FHDC1: variants seen among roughly 807,000 people sequenced by gnomAD.
FHDC1 encodes the protein FH2 domain-containing protein 1.
A neutral mutation model predicts 52.6 loss-of-function variants in FHDC1; 25 were observed. The ratio of observed to expected loss-of-function variants is 0.48; its 90% CI spans 0.35 to 0.66. FHDC1 has a LOEUF of 0.66. Ranked by LOEUF, FHDC1 falls within the 30% of genes least tolerant of loss-of-function variation. FHDC1 has a pLI of 0.01. For missense variants in FHDC1, 1,459 were observed against 1,452.8 expected (o/e 1.00, Z -0.07); for synonymous variants, 616 against 581.5 (o/e 1.06, Z -0.85).
rs1741008990 is a variant in FHDC1 at position 152,979,342 on chromosome 4, A to G, written c.*2619A>G. On this transcript the variant is annotated 3_prime_UTR_variant, in exon 12 of 12. Transcript: ENST00000511601. Reference sequence around the variant, plus strand: ...CAGCTCCTCAGAACCAACCCCCAGCATCTCTAAAGCAAAAGCCTCACCTCA... The same window carrying G: ...CAGCTCCTCAGAACCAACCCCCAGCGTCTCTAAAGCAAAAGCCTCACCTCA... 1 of 152,392 alleles carries G rather than the reference A, an allele frequency of 6.6e-6. No individual in the cohort carries two copies. Among genetic ancestry groups the G allele is most frequent in the African/African-American group, 2.4e-5 (1 of 41,580 alleles). 9.4% of individuals were successfully genotyped at this position (152,392 alleles called of 1,614,324 possible).
the FHDC1 span, among the ~76,000 whole-genome samples, chr4:152,912,864 G>T: frequency 4.6e-5 from 7 of 152,286 alleles, no homozygotes; most frequent in East Asian, 1.4e-3. Flanking sequence ...AACTATCTGG[G>T]TTTGCAAAAG....
intron 11 of FHDC1, among the ~76,000 whole-genome samples, chr4:152,973,185 G>A (rs1579104919): frequency 6.6e-6 from 1 of 152,192 alleles, no homozygotes; most frequent in East Asian, 1.9e-4. Context: ...TGGCTTTCAA[G>A]TAAAACTTTA....
intron 8 of FHDC1, among the ~76,000 whole-genome samples, chr4:152,964,631 C>T (rs115151914): frequency 0.01 from 1,552 of 152,314 alleles, 15 homozygotes; most frequent in Non-Finnish European, 0.016. Context: ...TGGATTCTTT[C>T]AGAAACAAGG....
intron 2 of FHDC1, among the ~76,000 whole-genome samples, chr4:152,949,686 T>C (rs1438820384): frequency 1.3e-5 from 2 of 152,192 alleles, no homozygotes; most frequent in African/African-American, 4.8e-5. Context: ...TGTAGCCACA[T>C]GTCTCACTGA....
At chr4:152,928,825 G>C in the FHDC1 span, among the ~76,000 whole-genome samples, 5 of 151,856 alleles carry the variant, frequency 3.3e-5, no homozygotes, top group Non-Finnish European at 7.4e-5. Context: ...CGTATCCTTG[G>C]CCATTCCCTC....
At chr4:152,929,763 T>G in the FHDC1 span, among the ~76,000 whole-genome samples, 3 of 152,202 alleles carry the variant, frequency 2.0e-5, no homozygotes, top group East Asian at 5.8e-4. The surrounding 1 kb of genome is among the most constrained non-coding windows in gnomAD (Gnocchi z 4.1). Flanking sequence ...ATTAATCTCC[T>G]TATCGAATAA....
the FHDC1 span, among the ~76,000 whole-genome samples, chr4:152,920,059 T>C: frequency 6.8e-6 from 1 of 146,086 alleles, no homozygotes; most frequent in South Asian, 2.4e-4. Flanking sequence ...GCAGTCCTCC[T>C]ATCTCAGCAC....
At position 152,976,299 on chromosome 4, in the gene FHDC1, G is replaced by T. The variant is rs1268531541; in HGVS notation, c.3008G>T (p.Cys1003Phe). The T allele has an allele frequency of 6.2e-7, 1 of 1,613,604 alleles. No individual in the cohort carries two copies. Among genetic ancestry groups the T allele is most frequent in the Non-Finnish European group, 8.5e-7 (1 of 1,180,012 alleles). Reference sequence around the variant, plus strand: ...CAGAAGCCTGAGGAAAATAAGACCTGCCGCGCCCACTCCGAGGGCCCTGAG... The same window carrying T: ...CAGAAGCCTGAGGAAAATAAGACCTTCCGCGCCCACTCCGAGGGCCCTGAG... ...PRQKPEENKT[C>F]RAHSEGPESP... Residue 1003 changes from cysteine to phenylalanine, a missense_variant, in exon 12 of 12, where the codon TGC becomes TTC. Cys to Phe is a radical substitution (Grantham distance 205). Transcript: ENST00000511601.
chr4:152,976,313 G>A lies in FHDC1; in HGVS notation c.3022G>A (p.Glu1008Lys), dbSNP rs752115643. The A allele has an allele frequency of 2.5e-6, 4 of 1,613,622 alleles. No homozygotes were observed. Among genetic ancestry groups the A allele is most frequent in the Admixed American group, 1.7e-5 (1 of 60,020 alleles). The change falls in exon 12 of 12, where the codon GAG becomes AAG. Residue 1008 changes from glutamate (E) to lysine (K), a missense_variant. Physicochemically the swap from Glu to Lys is moderately conservative, Grantham distance 56. This residue lies in a region of FHDC1 where 939 missense variants were observed against 854.5 expected (regional missense o/e 1.10). Transcript: ENST00000511601. ...AAATAAGACCTGCCGCGCCCACTCC[G>A]AGGGCCCTGAGAGTCCCAAAGAAGA... Reference protein sequence around the residue: ...EENKTCRAHSEGPESPKEEPK... With the variant: ...EENKTCRAHSKGPESPKEEPK...
At position 152,978,649 on chromosome 4, in the gene FHDC1, T is replaced by A. The variant is rs922040089; in HGVS notation, c.*1926T>A. The A allele has an allele frequency of 2.6e-5, 4 of 152,098 alleles. No homozygotes were observed. Among genetic ancestry groups the A allele is most frequent in the Non-Finnish European group, 5.9e-5 (4 of 68,026 alleles). The allele number at this position is 152,098 out of a possible 1,614,324, so 9.4% of individuals were successfully genotyped here. A position where few individuals can be genotyped will look rare whatever the true frequency, so the allele number is the denominator to read the frequency against. ...CTTGGAATTTTTTTTTTAAGAAACT[T>A]TTTTGTGTTTTTTTTAATTTTAGGT... On this transcript the variant is annotated 3_prime_UTR_variant, in exon 12 of 12. Coordinates refer to ENST00000511601, the MANE Select transcript of FHDC1 (RefSeq NM_001371116.1).
the FHDC1 span, among the ~76,000 whole-genome samples, chr4:152,914,594 C>G: frequency 6.6e-6 from 1 of 152,226 alleles, no homozygotes; most frequent in African/African-American, 2.4e-5. Flanking sequence ...TTGTTTGGGT[C>G]CAAGCTAGGC....
intron 2 of FHDC1, among the ~76,000 whole-genome samples, chr4:152,944,481 G>A (rs974999387): frequency 7.2e-5 from 11 of 152,164 alleles, no homozygotes; most frequent in African/African-American, 2.4e-4. Context: ...AGAGAAAACA[G>A]GTCAAAGATG....
chr4:152,946,016 C>T lies in FHDC1; in HGVS notation c.498+2461C>T, dbSNP rs565697446. On this transcript the variant is annotated intron_variant, in intron 2 of 11. Coordinates refer to ENST00000511601, the MANE Select transcript of FHDC1 (RefSeq NM_001371116.1). ...TCTTTTTTGTCACTGGTTTATTTCA[C>T]TTAGCGTAATGTCCTCAAGGTTCAT... Among the ~76,000 whole-genome samples, 3 of 152,320 alleles carry T rather than the reference C, an allele frequency of 2.0e-5. No homozygotes were observed. In the South Asian group the frequency reaches 6.2e-4, roughly 32 times the overall value.
At chr4:152,952,896 C>T (rs1228464482) in intron 2 of FHDC1, among the ~76,000 whole-genome samples, 2 of 152,132 alleles carry the variant, frequency 1.3e-5, no homozygotes, top group Admixed American at 6.6e-5. Flanking sequence ...CTTTGAGAGG[C>T]CGAGGCAGGT....
intron 11 of FHDC1, among the ~76,000 whole-genome samples, chr4:152,973,978 C>T (rs575689726): frequency 1.3e-5 from 2 of 152,166 alleles, no homozygotes; most frequent in East Asian, 1.9e-4. Flanking sequence ...CAGGCTAGGA[C>T]GTGAGAGGCA....
intron 4 of FHDC1, among the ~76,000 whole-genome samples, chr4:152,956,660 G>A (rs920473128): frequency 1.3e-5 from 2 of 152,100 alleles, no homozygotes; most frequent in Non-Finnish European, 2.9e-5. Flanking sequence ...GGGAGATGGG[G>A]TCCTGCTGAA....
chr4:152,976,236 A>G lies in FHDC1; in HGVS notation c.2945A>G (p.Lys982Arg), dbSNP rs779234442. The G allele has an allele frequency of 7.4e-6, 12 of 1,613,074 alleles. No individual in the cohort carries two copies. Among genetic ancestry groups the G allele is most frequent in the Middle Eastern group, 1.6e-4 (1 of 6,084 alleles). The change falls in exon 12 of 12, where the codon AAG becomes AGG. Residue 982 changes from lysine to arginine, a missense_variant. Transcript: ENST00000511601. Reference protein sequence around the residue: ...DVPLQPRGSFKKPSAKPLRNL... With the variant: ...DVPLQPRGSFRKPSAKPLRNL... ...CCCCTGCAGCCCAGGGGTTCTTTCA[A>G]GAAGCCCAGTGCCAAACCACTCAGG... is the stretch of plus-strand genomic sequence containing the variant.
At chr4:152,971,295 G>A (rs1479435817) in intron 10 of FHDC1, among the ~76,000 whole-genome samples, 1 of 152,170 alleles carries the variant, frequency 6.6e-6, no homozygotes, top group Non-Finnish European at 1.5e-5. Flanking sequence ...GGTCAAGGGT[G>A]CAGTGAGCCA....
Position 152,943,212 on chromosome 4 carries a change from A to C in FHDC1, c.155A>C (p.Glu52Ala). 6.3e-7 allele frequency: 1 copy of C among 1,590,594 alleles called. No homozygotes were observed. The highest frequency in any genetic ancestry group is 8.6e-7 in the Non-Finnish European group (1 of 1,166,756). Residue 52 changes from glutamate to alanine, a missense_variant, in exon 2 of 12, where the codon GAA (glutamate) becomes GCA (alanine). Transcript: ENST00000511601. ...TCTCCACCATGTTCATGTTCAAGGGAAGAGTGTCCTTCCTCCCCTCCTCCA... is the reference window on the plus strand; with the variant it reads ...TCTCCACCATGTTCATGTTCAAGGGCAGAGTGTCCTTCCTCCCCTCCTCCA... The part of the protein sequence containing the change: ...PPSPPCSCSR[E>A]ECPSSPPPPP...
Sources: allele counts gnomAD v4.1 joint callset (sites outside exome capture counted in the v4.1 genomes callset), GRCh38; gene constraint gnomAD v4.1.1; regional missense constraint gnomAD v4.1.1; non-coding constraint Gnocchi (gnomAD v3.1); transcripts MANE v1.5; gene names NCBI Gene and HGNC (gene_info 2026-07-23, HGNC 2026-07-21).